The following CLYBL variants were observed in gnomAD, a reference collection of about 807,000 sequenced individuals.
The protein encoded by CLYBL is citramalyl-CoA lyase, mitochondrial.
In CLYBL, 31 loss-of-function variants were observed where a neutral mutation model predicts 38.9. The ratio of observed to expected loss-of-function variants is 0.80; its 90% confidence interval spans 0.60 to 1.08. The LOEUF is 1.08. Ranked by LOEUF, CLYBL falls within the 50% of genes least tolerant of loss-of-function variation. The pLI is 0.00. For synonymous variants in CLYBL, 171 were observed against 158.6 expected (o/e 1.08, Z -0.59); for missense variants, 434 against 411.6 (o/e 1.05, Z -0.47).
chr13:99,719,143 C>T (rs1466362845), intron 1 of CLYBL, among the ~76,000 whole-genome samples: 1 of 145,284 alleles, frequency 6.9e-6, no homozygotes, highest in South Asian at 2.2e-4. Flanking sequence ...TGAACCACCA[C>T]ACAAGGCCTA....
At chr13:99,759,927 G>A (rs9585208) in intron 1 of CLYBL, among the ~76,000 whole-genome samples, 25,657 of 152,122 alleles carry the variant, frequency 0.17, 2,754 homozygotes, top group East Asian at 0.37. Context: ...TATTTTTGCT[G>A]TTTGAGACCT....
At chr13:99,699,244 G>C (rs931621966) in intron 1 of CLYBL, among the ~76,000 whole-genome samples, 1 of 152,108 alleles carries the variant, frequency 6.6e-6, no homozygotes, top group African/African-American at 2.4e-5. Flanking sequence ...AATTAGCTGG[G>C]TGTGGTGGTG....
At chr13:99,864,690 C>A in intron 4 of CLYBL, 128 bp from the exon 5 acceptor site, 1 of 675,902 alleles carries the variant, frequency 1.5e-6, no homozygotes, top group Non-Finnish European at 2.7e-6. Flanking sequence ...ATTTGGGCTG[C>A]GTTTTTAGGA....
At chr13:99,673,896 G>A (rs908418066) in intron 1 of CLYBL, among the ~76,000 whole-genome samples, 3 of 152,108 alleles carry the variant, frequency 2.0e-5, no homozygotes, top group East Asian at 1.9e-4. Flanking sequence ...GATATGTTTC[G>A]AAGCAGAATC....
chr13:99,755,059 G>A (rs1168224638), intron 1 of CLYBL, among the ~76,000 whole-genome samples: 2 of 150,858 alleles, frequency 1.3e-5, no homozygotes, highest in African/African-American at 2.4e-5. Context: ...CACCACGCCC[G>A]GCTAATTGTT....
chr13:99,649,170 T>A (rs1457620633), intron 1 of CLYBL, among the ~76,000 whole-genome samples: 1 of 152,166 alleles, frequency 6.6e-6, no homozygotes, highest in Non-Finnish European at 1.5e-5. Context: ...CCAGCACAGA[T>A]GCTGCACAGT....
intron 1 of CLYBL, among the ~76,000 whole-genome samples, chr13:99,671,368 T>C (rs1383761281): frequency 6.6e-6 from 1 of 152,122 alleles, no homozygotes; most frequent in Non-Finnish European, 1.5e-5. Context: ...ACTGAAAGTG[T>C]TTGATCAGGG....
At chr13:99,677,280 T>G (rs1050002674) in intron 1 of CLYBL, among the ~76,000 whole-genome samples, 1 of 151,092 alleles carries the variant, frequency 6.6e-6, no homozygotes, top group African/African-American at 2.4e-5. Flanking sequence ...TCTTATAACC[T>G]CTCCAAGATA....
chr13:99,775,774 G>T (rs1031324835), intron 2 of CLYBL, among the ~76,000 whole-genome samples: 1 of 152,100 alleles, frequency 6.6e-6, no homozygotes, highest in African/African-American at 2.4e-5. Flanking sequence ...CTCCCAAAGG[G>T]CTGGGATTAC....
chr13:99,620,646 A>G (rs2046778716), intron 1 of CLYBL, among the ~76,000 whole-genome samples: 1 of 152,236 alleles, frequency 6.6e-6, no homozygotes, highest in East Asian at 1.9e-4. Context: ...CGTGGTGGTC[A>G]CACACCTCTA....
At chr13:99,898,493 A>AT (rs1329082769), downstream of CLYBL, among the ~76,000 whole-genome samples, 1 of 152,040 alleles carries the variant, frequency 6.6e-6, no homozygotes, top group Non-Finnish European at 1.5e-5. Context: ...GGGCACATCC[A>AT]TTTTTCCCCA....
intron 2 of CLYBL, among the ~76,000 whole-genome samples, chr13:99,855,496 A>G (rs981950840): frequency 6.6e-6 from 1 of 152,190 alleles, no homozygotes; most frequent in Non-Finnish European, 1.5e-5. Context: ...CCAAAGAAAG[A>G]GAGAAAGAAA....
intron 1 of CLYBL, among the ~76,000 whole-genome samples, chr13:99,740,396 A>G (rs1460394916): frequency 6.6e-6 from 1 of 152,174 alleles, no homozygotes; most frequent in Non-Finnish European, 1.5e-5. Flanking sequence ...TTCCTTAAGC[A>G]CCCACTCACT....
intron 1 of CLYBL, among the ~76,000 whole-genome samples, chr13:99,770,463 G>A (rs1176209548): frequency 3.9e-5 from 6 of 152,018 alleles, no homozygotes; most frequent in Admixed American, 1.3e-4. Context: ...GACTACAGGC[G>A]CCCGCCACCA....
chr13:99,874,726 A>T (rs867215789), intron 7 of CLYBL, among the ~76,000 whole-genome samples: 2 of 152,238 alleles, frequency 1.3e-5, no homozygotes, highest in South Asian at 4.1e-4. Flanking sequence ...AATCTATATT[A>T]TGAGCTTAGT....
At chr13:99,747,657 C>T (rs1268615134) in intron 1 of CLYBL, among the ~76,000 whole-genome samples, 2 of 152,166 alleles carry the variant, frequency 1.3e-5, no homozygotes, top group Non-Finnish European at 2.9e-5. Context: ...CCTGGGACTT[C>T]GCTGACATAA....
At chr13:99,611,690 T>C (rs1245093883) in intron 1 of CLYBL, among the ~76,000 whole-genome samples, 3 of 152,250 alleles carry the variant, frequency 2.0e-5, no homozygotes, top group African/African-American at 7.2e-5. Context: ...ACAATTTGTG[T>C]AAATTTGGTA....
In CLYBL at chr13:99,810,545, A is replaced by G. The variant is rs552721707; in HGVS notation, c.249+37535A>G. ...AGCTTGGCTGGAGCGGCCAGAGCCC[A>G]GGGTCATGCAGGATGAGCCTAGAGA... On this transcript the variant is annotated intron_variant, in intron 2 of 8. Transcript: ENST00000339105. Among the ~76,000 whole-genome samples the G allele has an allele frequency of 1.3e-4, 20 of 152,318 alleles. No individual in the cohort carries two copies. In the South Asian group the frequency reaches 4.1e-3, roughly 32 times the overall value.
chr13:99,868,162 G>A (rs994078065), intron 6 of CLYBL, among the ~76,000 whole-genome samples: 35 of 152,134 alleles, frequency 2.3e-4, no homozygotes, highest in African/African-American at 7.5e-4. Context: ...TCAAGGGAAC[G>A]AGGCCATAAC....
Sources: gnomAD v4.1 joint callset for allele counts (sites outside exome capture counted in the v4.1 genomes callset) on GRCh38, gnomAD v4.1.1 for gene constraint, MANE v1.5 for transcripts, NCBI Gene and HGNC (gene_info 2026-07-23, HGNC 2026-07-21) for gene names.